PLAU: variants seen among roughly 807,000 people sequenced by gnomAD.
The protein encoded by PLAU is urokinase-type plasminogen activator.
Under a neutral mutation model 48.9 loss-of-function variants are expected in PLAU, and 32 were observed. That is an observed-to-expected ratio of 0.65 (90% CI 0.49 to 0.88). The LOEUF is 0.88. Ranked by LOEUF, PLAU falls within the 40% of genes least tolerant of loss-of-function variation. The probability of loss-of-function intolerance (pLI) is 0.00; values close to 1 mark genes in which losing one functional copy is unlikely to be tolerated. For synonymous variants in PLAU, 199 were observed against 205.7 expected (o/e 0.97, Z 0.28); for missense variants, 455 against 545.2 (o/e 0.83, Z 1.65).
chr10:73,910,859 T>G (rs994234882), upstream of PLAU: 1 of 152,376 alleles, frequency 6.6e-6, no homozygotes, highest in Non-Finnish European at 1.5e-5. Flanking sequence ...CTCTCCTCTC[T>G]GCAATTCGGG....
rs1456313273 is a variant in PLAU at position 73,911,590 on chromosome 10, T to C, written c.35T>C (p.Val12Ala). Residue 12 changes from valine to alanine, a missense_variant, in exon 2 of 11, where the codon GTC becomes GCC. By Grantham distance (64) the Val-to-Ala change is moderately conservative. Transcript: ENST00000372764. ...CTGCTGGCGCGCCTGCTTCTCTGCG[T>C]CCTGGTCGTGAGCGACTCCAAAGTG... ...RALLARLLLC[V>A]LVVSDSKGSN... 6.2e-7 allele frequency: 1 copy of C among 1,613,792 alleles called. No individual in the cohort carries two copies.
chr10:73,914,773 C>A lies in PLAU; in HGVS notation c.830-3C>A. 6.2e-7 allele frequency: 1 copy of A among 1,613,148 alleles called. No individual in the cohort carries two copies. The highest frequency in any genetic ancestry group is 8.5e-7 in the Non-Finnish European group (1 of 1,179,474). On this transcript the variant is annotated splice_region_variant and splice_polypyrimidine_tract_variant and intron_variant, in intron 8 of 10. Coordinates refer to ENST00000372764, the MANE Select transcript of PLAU (RefSeq NM_002658.6). ...TCTCCTCTGACCCTCTGTCCTCCCC[C>A]AGCCTTGCTGAAGATCCGTTCCAAG...
upstream of PLAU, chr10:73,909,892 G>T (rs1031900709): frequency 9.3e-5 from 2 of 21,480 alleles, no homozygotes; most frequent in Non-Finnish European, 4.0e-4. Context: ...AGAGATGCGT[G>T]TGTGTGTGTG....
At chr10:73,912,116 G>A (rs747752586) in intron 3 of PLAU, 48 bp downstream of exon 3, 1 of 1,605,334 alleles carries the variant, frequency 6.2e-7, no homozygotes, top group Non-Finnish European at 8.5e-7. Context: ...AAGTTGGGAA[G>A]GCTTCAGGGG....
At chr10:73,911,457 T>G (rs1004997060) in intron 1 of PLAU, 68 bp from the exon 2 acceptor site, 1 of 1,465,982 alleles carries the variant, frequency 6.8e-7, no homozygotes, top group Non-Finnish European at 9.3e-7. Flanking sequence ...TCCCCTGCGC[T>G]GCAGTCGCCC....
In PLAU at chr10:73,917,240, CT is replaced by C. The variant is rs1424865525; in HGVS notation, c.*677del. 4 of 152,616 alleles carry C rather than the reference CT, an allele frequency of 2.6e-5. No individual in the cohort carries two copies. Among genetic ancestry groups the C allele is most frequent in the Non-Finnish European group, 4.4e-5 (3 of 68,060 alleles). The allele number at this position is 152,616 out of a possible 1,614,324, so 9.5% of individuals were successfully genotyped here. On this transcript the variant is annotated 3_prime_UTR_variant, in exon 11 of 11. Coordinates refer to ENST00000372764, the MANE Select transcript of PLAU (RefSeq NM_002658.6). ...AGGTTATAGGTCACTCCTGGGGCCT[CT>C]TGGGTCCCCCACGTGACAGTGCCTG... is the stretch of plus-strand genomic sequence containing the variant.
At chr10:73,911,871 A>G in intron 2 of PLAU, 170 bp from the exon 3 acceptor site, 2 of 1,555,354 alleles carry the variant, frequency 1.3e-6, no homozygotes, top group Non-Finnish European at 1.7e-6. Flanking sequence ...GGGTCAATCC[A>G]TTTCTCCTGG....
At chr10:73,914,721 G>A (rs2136190166) in intron 8 of PLAU, 55 bp from the exon 9 acceptor site, 1 of 1,559,466 alleles carries the variant, frequency 6.4e-7, no homozygotes, top group Non-Finnish European at 8.7e-7. Flanking sequence ...GGGGACAGAT[G>A]GGGACCGCCT....
In PLAU at chr10:73,911,989, A is replaced by C. The variant is rs772730235; in HGVS notation, c.58-52A>C. The C allele has an allele frequency of 1.9e-6, 3 of 1,614,132 alleles. No homozygotes were observed. The Admixed American group carries it at 5.0e-5, about 27-fold the overall frequency. The stretch of plus-strand genomic sequence containing the variant: ...TGGGGCCAGTTTACCCTCACCCTGG[A>C]GTCCCTGGAGCATGGGACCTTTGAT... On this transcript the variant is annotated intron_variant, in intron 2 of 10. Transcript: ENST00000372764.
chr10:73,913,838 C>T lies in PLAU; in HGVS notation c.680+80C>T, dbSNP rs2227565. ...CTTTCTCCTTCCCAGCAAAGTGTTC[C>T]GCCTCATTTCTCCCTCATCTGCCCC... On this transcript the variant is annotated intron_variant, in intron 7 of 10. Transcript: ENST00000372764. 4,255 of 1,398,230 alleles carry T rather than the reference C, an allele frequency of 3.0e-3. 96 individuals carry two copies. In the African/African-American group the frequency reaches 0.052, roughly 17 times the overall value. 86.6% of individuals were successfully genotyped at this position (1,398,230 alleles called of 1,614,324 possible). A position where few individuals can be genotyped will look rare whatever the true frequency, so the allele number is the denominator to read the frequency against.
chr10:73,916,426 G>A lies in PLAU; in HGVS notation c.1157G>A (p.Gly386Asp), dbSNP rs746302225. The change falls in exon 11 of 11, where the codon GGC (glycine) becomes GAC (aspartate). Residue 386 changes from glycine (G) to aspartate (D), a missense_variant. Coordinates refer to ENST00000372764, the MANE Select transcript of PLAU (RefSeq NM_002658.6). ...GGACCCCTCGTCTGTTCCCTCCAAG[G>A]CCGCATGACTTTGACTGGAATTGTG... ...SGGPLVCSLQ[G>D]RMTLTGIVSW... The A allele has an allele frequency of 6.2e-7, 1 of 1,613,682 alleles. No individual in the cohort carries two copies. Among genetic ancestry groups the A allele is most frequent in the African/African-American group, 1.3e-5 (1 of 75,024 alleles).
intron 6 of PLAU, 76 bp from the exon 7 acceptor site, chr10:73,913,463 G>A (rs2096129295): frequency 6.5e-7 from 1 of 1,547,752 alleles, no homozygotes; most frequent in Non-Finnish European, 8.9e-7. Context: ...CAGGAGGACT[G>A]AGGAGGTGGG....
At chr10:73,915,035 G>A in intron 9 of PLAU, 119 bp downstream of exon 9, 3 of 1,174,850 alleles carry the variant, frequency 2.6e-6, no homozygotes, top group African/African-American at 1.5e-5. Context: ...GGCGGTGGCA[G>A]ATGGGTCCAG....
In PLAU at chr10:73,914,923, G is replaced by A. The variant is rs781170354; in HGVS notation, c.970+7G>A. 6.2e-7 allele frequency: 1 copy of A among 1,613,680 alleles called. No homozygotes were observed. The highest frequency in any genetic ancestry group is 2.2e-5 in the East Asian group (1 of 44,882). ...TTTGGAAAAGAGAATTCTAGTAAGT[G>A]ACAATTGCGACTGACTTAGAAGGTC... On this transcript the variant is annotated splice_region_variant and intron_variant, in intron 9 of 10. Coordinates refer to ENST00000372764, the MANE Select transcript of PLAU (RefSeq NM_002658.6).
rs1169492705 is a variant in PLAU, at chr10:73,916,884, G to A, written c.*319G>A. The stretch of plus-strand genomic sequence containing the variant: ...GGCATCTCCTGTGCATGGGTGAAGG[G>A]AGAGCCAGCTCCCCCGACGGTGGGC... On this transcript the variant is annotated 3_prime_UTR_variant, in exon 11 of 11. Coordinates refer to ENST00000372764, the MANE Select transcript of PLAU (RefSeq NM_002658.6). 1 of 266,956 alleles carries A rather than the reference G, an allele frequency of 3.7e-6. No individual in the cohort carries two copies. Among genetic ancestry groups the A allele is most frequent in the Admixed American group, 4.9e-5 (1 of 20,594 alleles). The allele number at this position is 266,956 out of a possible 1,614,324, so 16.5% of individuals were successfully genotyped here.
intron 9 of PLAU, 22 bp downstream of exon 9, chr10:73,914,938 C>T (rs1334470159): frequency 6.2e-7 from 1 of 1,612,066 alleles, no homozygotes; most frequent in South Asian, 1.1e-5. Context: ...TTGCGACTGA[C>T]TTAGAAGGTC....
chr10:73,916,209 C>T (rs1048374956), intron 10 of PLAU, among the ~76,000 whole-genome samples, 180 bp from the exon 11 acceptor site: 5 of 152,186 alleles, frequency 3.3e-5, no homozygotes, highest in African/African-American at 1.2e-4. Flanking sequence ...CGTCATTGCA[C>T]GCCAGCCTGG....
intron 4 of PLAU, 60 bp from the exon 5 acceptor site, chr10:73,912,862 TAA>T (rs1240101505): frequency 1.6e-6 from 2 of 1,237,790 alleles, no homozygotes; most frequent in African/African-American, 3.0e-5. Context: ...AAAAAAAAAA[TAA>T]AAGTTAGTTG....
intron 2 of PLAU, chr10:73,911,824 C>A: frequency 6.4e-7 from 1 of 1,551,914 alleles, no homozygotes; most frequent in Non-Finnish European, 8.7e-7. Flanking sequence ...GCCGGGACTG[C>A]CCCAGCCTGC....
Sources: allele counts gnomAD v4.1 joint callset (sites outside exome capture counted in the v4.1 genomes callset), GRCh38; gene constraint gnomAD v4.1.1; transcripts MANE v1.5; gene names NCBI Gene and HGNC (gene_info 2026-07-23, HGNC 2026-07-21).